CDH13: variants seen among roughly 807,000 people sequenced by gnomAD.
CDH13 encodes cadherin 13.
A neutral mutation model predicts 63.8 loss-of-function variants in CDH13; 24 were observed. That is an observed-to-expected ratio of 0.38 (90% confidence interval 0.27 to 0.53). The LOEUF (loss-of-function observed/expected upper bound fraction) is 0.53. CDH13 is among the 20% of genes least tolerant of loss of function. The probability of loss-of-function intolerance (pLI) is 0.85; values close to 1 mark genes in which losing one functional copy is unlikely to be tolerated. For synonymous variants in CDH13, 503 were observed against 355.3 expected, an observed-to-expected ratio of 1.42 and a Z score of -4.67; for missense variants, 1,049 against 903.1, an observed-to-expected ratio of 1.16 and a Z score of -2.07.
intron 3 of CDH13, among the ~76,000 whole-genome samples, chr16:83,055,103 AAAT>A (rs1459568309): frequency 5.3e-5 from 8 of 152,076 alleles, no homozygotes; most frequent in Admixed American, 1.3e-4. Flanking sequence ...GTAAAATAAG[AAAT>A]AATAGTAAGA....
At chr16:82,818,480 C>A (rs577886242) in intron 1 of CDH13, among the ~76,000 whole-genome samples, 8 of 152,168 alleles carry the variant, frequency 5.3e-5, no homozygotes, top group Non-Finnish European at 8.8e-5. Flanking sequence ...GTGATAATTT[C>A]CATAAAAGAA....
At chr16:82,628,053 C>T (rs111719166) in intron 1 of CDH13, among the ~76,000 whole-genome samples, 1,939 of 152,358 alleles carry the variant, frequency 0.013, 29 homozygotes, top group African/African-American at 0.044. Context: ...CACCTCTGCA[C>T]CTCAGAGATT....
chr16:83,625,244 A>G (rs1216918899), intron 8 of CDH13, among the ~76,000 whole-genome samples: 1 of 151,662 alleles, frequency 6.6e-6, no homozygotes, highest in East Asian at 1.9e-4. Context: ...GTGTGTGTGT[A>G]ATTTAAGCCA....
At chr16:83,264,102 C>G (rs531621554) in intron 5 of CDH13, among the ~76,000 whole-genome samples, 156 of 152,276 alleles carry the variant, frequency 1.0e-3, no homozygotes, top group Admixed American at 1.7e-3. Context: ...AAGTTGGACA[C>G]CCCATTTTCA....
rs377025661 is a variant in CDH13, at chr16:82,890,383, CT to C, written c.157+31912del. ...ACTCACCACCATCTCCAGCCTCAGC[CT>C]TCTTGGAAGGCCCCAGACTTAATGG... On this transcript the variant is annotated intron_variant, in intron 2 of 13. Coordinates refer to ENST00000567109, the MANE Select transcript of CDH13 (RefSeq NM_001257.5). Among the ~76,000 whole-genome samples the C allele has an allele frequency of 4.2e-4, 64 of 152,296 alleles. No homozygotes were observed. In the East Asian group the frequency reaches 0.012, roughly 28 times the overall value.
chr16:82,979,246 G>A (rs1909938667), intron 2 of CDH13, among the ~76,000 whole-genome samples: 1 of 152,168 alleles, frequency 6.6e-6, no homozygotes, highest in African/African-American at 2.4e-5. Flanking sequence ...CGTCTCAGAT[G>A]AGACTATGGA....
rs566057094 is a variant in CDH13, at chr16:83,036,689, C to A, written c.366+4471C>A. ...TCTGACCCTTGATATCTGGCTCCCA[C>A]TCTGCATCCCTCTCCCTTGCACCCT... is the stretch of plus-strand genomic sequence containing the variant. On this transcript the variant is annotated intron_variant, in intron 3 of 13. Transcript: ENST00000567109. Among the ~76,000 whole-genome samples the A allele has an allele frequency of 2.0e-5, 3 of 152,288 alleles. No individual in the cohort carries two copies. The East Asian group carries it at 5.8e-4, about 29-fold the overall frequency.
intron 6 of CDH13, among the ~76,000 whole-genome samples, chr16:83,380,959 C>G (rs182451913): frequency 2.0e-5 from 3 of 152,126 alleles, no homozygotes; most frequent in Admixed American, 2.0e-4. Context: ...AAGGCACTCT[C>G]TTAGAGTTAG....
At chr16:83,161,855 C>T (rs566838717) in intron 4 of CDH13, among the ~76,000 whole-genome samples, 2 of 152,232 alleles carry the variant, frequency 1.3e-5, no homozygotes, top group African/African-American at 4.8e-5. Flanking sequence ...TGTCAAACAA[C>T]CCACCGTAGT....
At chr16:83,468,108 A>G (rs1262353930) in intron 6 of CDH13, among the ~76,000 whole-genome samples, 1 of 152,210 alleles carries the variant, frequency 6.6e-6, no homozygotes, top group Non-Finnish European at 1.5e-5. Flanking sequence ...CACTGGCATG[A>G]TGAGATCAAG....
At position 83,665,949 on chromosome 16, in the gene CDH13, A is replaced by G. The variant is rs1034658519; in HGVS notation, c.1102-4841A>G. 5.3e-5 allele frequency among the ~76,000 whole-genome samples: 8 copies of G among 152,194 alleles called. No homozygotes were observed. In the South Asian group the frequency reaches 8.3e-4, roughly 16 times the overall value. The stretch of plus-strand genomic sequence containing the variant: ...CCTCATCCTGAATGTCTATGATGTA[A>G]GTCAAAGAAAAGAAAATAATCAGTC... On this transcript the variant is annotated intron_variant, in intron 8 of 13. Transcript: ENST00000567109.
chr16:83,062,623 C>A (rs1442405041), intron 3 of CDH13, among the ~76,000 whole-genome samples: 1 of 152,178 alleles, frequency 6.6e-6, no homozygotes, highest in African/African-American at 2.4e-5. Flanking sequence ...ACCCTGCTGG[C>A]TGCTGTGTGA....
At chr16:83,591,346 A>G (rs900600145) in intron 7 of CDH13, among the ~76,000 whole-genome samples, 27 of 152,174 alleles carry the variant, frequency 1.8e-4, no homozygotes, top group African/African-American at 6.5e-4. Flanking sequence ...GAGCATCTCA[A>G]TTACTTTTTA....
At chr16:82,664,354 T>G (rs888364331) in intron 1 of CDH13, among the ~76,000 whole-genome samples, 3 of 152,230 alleles carry the variant, frequency 2.0e-5, no homozygotes, top group Non-Finnish European at 2.9e-5. Context: ...TTGCACTAGC[T>G]GATTAGTAAA....
Position 83,432,605 on chromosome 16 carries a change from G to A in CDH13, c.782-53872G>A, listed in dbSNP as rs112472266. On this transcript the variant is annotated intron_variant, in intron 6 of 13. Coordinates refer to ENST00000567109, the MANE Select transcript of CDH13 (RefSeq NM_001257.5). ...TTAGACTGAACTTGAGAAGAGTGCT[G>A]GCCTGGGACTGGAGCCACCACGTGT... is the stretch of plus-strand genomic sequence containing the variant. Among the ~76,000 whole-genome samples, 123 of 152,294 alleles carry A rather than the reference G, an allele frequency of 8.1e-4. 1 individual carries two copies. The highest frequency in any genetic ancestry group is 2.6e-3 in the African/African-American group (106 of 41,558).
At chr16:83,746,283 A>C (rs554214389) in intron 10 of CDH13, among the ~76,000 whole-genome samples, 1 of 152,180 alleles carries the variant, frequency 6.6e-6, no homozygotes, top group Admixed American at 6.5e-5. Context: ...TGGCTGCAGC[A>C]TTCCTTGGTT....
chr16:83,239,030 G>T (rs1904291591), intron 5 of CDH13, among the ~76,000 whole-genome samples: 2 of 152,204 alleles, frequency 1.3e-5, no homozygotes. Context: ...TGGCATCTCA[G>T]TTACATTCTC....
intron 7 of CDH13, among the ~76,000 whole-genome samples, chr16:83,579,210 G>T (rs1010503398): frequency 6.6e-6 from 1 of 152,232 alleles, no homozygotes; most frequent in Non-Finnish European, 1.5e-5. Flanking sequence ...CAGTGAGGCA[G>T]AGATCCTGGC....
intron 5 of CDH13, among the ~76,000 whole-genome samples, chr16:83,244,376 A>G (rs530593191): frequency 4.6e-5 from 7 of 152,176 alleles, no homozygotes; most frequent in Non-Finnish European, 7.3e-5. Flanking sequence ...GGGTATGGCA[A>G]AAAGGATTTC....
Sources: gnomAD v4.1 joint callset for allele counts (sites outside exome capture counted in the v4.1 genomes callset) on GRCh38, gnomAD v4.1.1 for gene constraint, MANE v1.5 for transcripts, NCBI Gene and HGNC (gene_info 2026-07-23, HGNC 2026-07-21) for gene names.